The following SLC9A7 variants were observed in gnomAD, a reference collection of about 807,000 sequenced individuals.
The protein encoded by SLC9A7 is sodium/hydrogen exchanger 7.
Under a neutral mutation model 52.6 loss-of-function variants are expected in SLC9A7, and 19 were observed. That is an observed-to-expected ratio of 0.36 (90% CI 0.25 to 0.53). The LOEUF (loss-of-function observed/expected upper bound fraction) is 0.53. SLC9A7 is among the 20% of genes least tolerant of loss of function. The probability of loss-of-function intolerance (pLI) is 0.91; values close to 1 mark genes in which losing one functional copy is unlikely to be tolerated. For synonymous variants in SLC9A7, 226 were observed against 252.1 expected, an observed-to-expected ratio of 0.90 and a Z score of 0.98; for missense variants, 455 against 597.9, an observed-to-expected ratio of 0.76 and a Z score of 2.49.
At chrX:46,679,943 C>T (rs1394992669) in intron 2 of SLC9A7, among the ~76,000 whole-genome samples, 188 bp from the exon 3 acceptor site, 1 of 112,094 alleles carries the variant, frequency 8.9e-6, no homozygotes, top group Non-Finnish European at 1.9e-5. Context: ...TGCTCTTCTC[C>T]CCATAACACT....
intron 1 of SLC9A7, among the ~76,000 whole-genome samples, chrX:46,736,254 T>C (rs1303644403): frequency 8.9e-6 from 1 of 112,474 alleles, no homozygotes; most frequent in Non-Finnish European, 1.9e-5. Context: ...CATTTGTTAC[T>C]GTATTTTTTG....
intron 11 of SLC9A7, 65 bp downstream of exon 11, chrX:46,648,621 A>G (rs918164876): frequency 1.2e-6 from 1 of 851,283 alleles, no homozygotes; most frequent in African/African-American, 2.0e-5. Context: ...TATCAATTAC[A>G]TTTTAATCAT....
intron 1 of SLC9A7, among the ~76,000 whole-genome samples, chrX:46,712,902 G>A (rs761868455): frequency 8.9e-6 from 1 of 111,859 alleles, no homozygotes; most frequent in South Asian, 3.8e-4. Context: ...TACACAGCAA[G>A]CCACTTAAAA....
intron 10 of SLC9A7, among the ~76,000 whole-genome samples, chrX:46,650,399 C>A (rs1943561573): frequency 9.0e-6 from 1 of 111,499 alleles, no homozygotes; most frequent in Admixed American, 9.5e-5. Flanking sequence ...GTCTATATTC[C>A]AGAAACTGCA....
intron 2 of SLC9A7, among the ~76,000 whole-genome samples, chrX:46,681,114 C>CT (rs201707064): frequency 0.011 from 1,286 of 112,568 alleles, 18 homozygotes; most frequent in African/African-American, 0.04. Flanking sequence ...AACAATCATC[C>CT]TGGCCTTGTT....
intron 3 of SLC9A7, among the ~76,000 whole-genome samples, 175 bp from the exon 4 acceptor site, chrX:46,672,802 T>C: frequency 8.9e-6 from 1 of 112,665 alleles, no homozygotes; most frequent in South Asian, 3.7e-4. Flanking sequence ...ATCATGGTTT[T>C]AAGTTATCTT....
At chrX:46,704,581 A>C (rs1056921106) in intron 1 of SLC9A7, among the ~76,000 whole-genome samples, 2 of 112,372 alleles carry the variant, frequency 1.8e-5, no homozygotes, top group Non-Finnish European at 3.8e-5. Context: ...TGCATTTACA[A>C]AGACAGAATA....
At chrX:46,702,942 G>C (rs1353239431) in intron 1 of SLC9A7, among the ~76,000 whole-genome samples, 1 of 111,966 alleles carries the variant, frequency 8.9e-6, no homozygotes, top group East Asian at 2.8e-4. Flanking sequence ...GCCAGCATCT[G>C]TTTTATTTGA....
At chrX:46,744,095 T>G (rs1360437797) in intron 1 of SLC9A7, among the ~76,000 whole-genome samples, 1 of 112,823 alleles carries the variant, frequency 8.9e-6, no homozygotes, top group Non-Finnish European at 1.9e-5. Context: ...GTGTTCTCCA[T>G]TCCCACGGTT....
intron 1 of SLC9A7, among the ~76,000 whole-genome samples, chrX:46,700,579 A>G (rs1407054914): frequency 8.9e-6 from 1 of 112,435 alleles, no homozygotes; most frequent in Non-Finnish European, 1.9e-5. Flanking sequence ...ACTCTTAACC[A>G]TTCTTTAAGT....
intron 1 of SLC9A7, among the ~76,000 whole-genome samples, chrX:46,714,348 A>G (rs1352878212): frequency 9.0e-6 from 1 of 111,676 alleles, no homozygotes; most frequent in Non-Finnish European, 1.9e-5. Flanking sequence ...TGTCTCCCAG[A>G]TGACAAGTAA....
chrX:46,648,656 C>G (rs770193517), intron 11 of SLC9A7, 30 bp downstream of exon 11: 2 of 1,048,278 alleles, frequency 1.9e-6, no homozygotes, highest in Non-Finnish European at 2.7e-6. Context: ...CTGAATAAAA[C>G]TCATTTTCTT....
intron 3 of SLC9A7, among the ~76,000 whole-genome samples, chrX:46,674,251 C>CA (rs1196854536): frequency 9.0e-6 from 1 of 111,329 alleles, no homozygotes. Flanking sequence ...TTAGCCAAAG[C>CA]AAAAAAATTA....
intron 14 of SLC9A7, among the ~76,000 whole-genome samples, chrX:46,630,655 ACAGCTG>A (rs1943206710): frequency 8.9e-6 from 1 of 111,993 alleles, no homozygotes; most frequent in African/African-American, 3.3e-5. Flanking sequence ...AATCATCCCG[ACAGCTG>A]CACAACAGGG....
intron 3 of SLC9A7, among the ~76,000 whole-genome samples, chrX:46,677,956 C>T (rs770549415): frequency 5.7e-4 from 64 of 112,095 alleles, no homozygotes; most frequent in Non-Finnish European, 1.1e-3. Context: ...GTCCATTTCA[C>T]CTGGGTTGCC....
intron 5 of SLC9A7, among the ~76,000 whole-genome samples, chrX:46,665,465 G>C (rs1330661662): frequency 1.9e-5 from 2 of 106,473 alleles, no homozygotes; most frequent in Non-Finnish European, 3.9e-5. Context: ...AGCAGATAAT[G>C]GAGTCTAGAA....
At chrX:46,679,832 A>C in intron 2 of SLC9A7, 77 bp from the exon 3 acceptor site, 1 of 625,122 alleles carries the variant, frequency 1.6e-6, no homozygotes, top group Non-Finnish European at 2.5e-6. Flanking sequence ...TTAATATTTG[A>C]AGCCATTGAC....
Position 46,700,216 on chromosome X carries a change from T to A in SLC9A7, c.326-17681A>T, listed in dbSNP as rs748094997. Among the ~76,000 whole-genome samples, 9 of 112,480 alleles carry A rather than the reference T, an allele frequency of 8.0e-5. No homozygotes were observed. The South Asian group carries it at 3.3e-3, about 41-fold the overall frequency. On this transcript the variant is annotated intron_variant, in intron 1 of 16. Transcript: ENST00000616978. ...TATAATATCAGCTTTCTGTTTTAAA[T>A]CAGTTGTATGAATATTTGTTTCTGT...
intron 1 of SLC9A7, among the ~76,000 whole-genome samples, chrX:46,720,726 CTCT>C (rs1298680917): frequency 9.0e-6 from 1 of 111,703 alleles, no homozygotes; most frequent in Non-Finnish European, 1.9e-5. Flanking sequence ...TTGCATCCTC[CTCT>C]ACCTGGCATT....
Sources: allele counts gnomAD v4.1 joint callset (sites outside exome capture counted in the v4.1 genomes callset), GRCh38; gene constraint gnomAD v4.1.1; transcripts MANE v1.5; gene names NCBI Gene and HGNC (gene_info 2026-07-23, HGNC 2026-07-21).